NRL: variants seen among roughly 807,000 people sequenced by gnomAD.
NRL encodes neural retina leucine zipper.
In NRL, 16 loss-of-function variants were observed where a neutral mutation model predicts 12.5. The ratio of observed to expected loss-of-function variants is 1.28; its 90% CI spans 0.87 to 1.95. NRL has a LOEUF of 1.95. Ranked by LOEUF, NRL falls within the 30% of genes most tolerant of loss-of-function variation. The pLI is 0.00. For missense variants in NRL, 314 were observed against 325.8 expected, an observed-to-expected ratio of 0.96 and a Z score of 0.28; for synonymous variants, 142 against 150.9, an observed-to-expected ratio of 0.94 and a Z score of 0.43.
rs200281199 is a variant in NRL, at chr14:24,080,952, AC to A, written c.*283del. ...CCATTCACTGTGTCACCACACTTCCACCCCCCAGTGCCTGGCACTGGTCCCT... is the reference window on the plus strand; with the variant it reads ...CCATTCACTGTGTCACCACACTTCCACCCCCAGTGCCTGGCACTGGTCCCT... On this transcript the variant is annotated 3_prime_UTR_variant, in exon 3 of 3. Coordinates refer to ENST00000561028, the MANE Select transcript of NRL (RefSeq NM_001354768.3). 8.0e-4 allele frequency: 266 copies of A among 333,056 alleles called. 3 individuals carry two copies. In the East Asian group the frequency reaches 0.011, roughly 14 times the overall value. 20.6% of individuals were successfully genotyped at this position (333,056 alleles called of 1,614,324 possible).
chr14:24,094,189 G>C lies in NRL; in HGVS notation c.-27-11314C>G. The C allele has an allele frequency of 1.8e-6, 1 of 560,732 alleles. No individual in the cohort carries two copies. The allele number at this position is 560,732 out of a possible 1,614,324, so 34.7% of individuals were successfully genotyped here. A position where few individuals can be genotyped will look rare whatever the true frequency, so the allele number is the denominator to read the frequency against. On this transcript the variant is annotated intron_variant, in intron 1 of 2. Coordinates refer to ENST00000561028, the MANE Select transcript of NRL (RefSeq NM_001354768.3). The surrounding 1 kb of genome is among the most constrained non-coding windows in gnomAD (Gnocchi z 4.1). ...GGCGGCTGGGCTGACCTGGAGCCTG[G>C]AGCCCCGGGGCCGAGGGAGCTGGCC...
Position 24,082,651 on chromosome 14 carries a change from C to T in NRL, c.198G>A (p.Arg66=), listed in dbSNP as rs546181628. The stretch of plus-strand genomic sequence containing the variant: ...GCCAGTACAGCTCCTCCAGGCCTGG[C>T]CGGGTGCCCTCGGTTGCCCCCACCA... ...PGMVGATEGT[R]PGLEELYWLA... is the part of the protein sequence containing the mutation. The change falls in exon 2 of 3, where the codon CGG becomes CGA. Residue 66 remains arginine (R), a synonymous_variant. Transcript: ENST00000561028. 4 of 1,614,054 alleles carry T rather than the reference C, an allele frequency of 2.5e-6. No homozygotes were observed. The highest frequency in any genetic ancestry group is 1.7e-5 in the Admixed American group (1 of 60,022).
chr14:24,081,422 A>T lies in NRL; in HGVS notation c.528T>A (p.Cys176Ter). The change falls in exon 3 of 3, where the codon TGT becomes TGA. Residue 176 changes from cysteine to a stop codon, truncating the protein, a stop_gained. Transcript: ENST00000561028. LOFTEE classifies it high-confidence loss of function. This position sits in a 1 kb window ranked among gnomAD's most constrained non-coding sequence, Gnocchi z 4.4. ...TLKNRGYAQACRSKRLQQRRG... is the reference protein window; with the variant it reads ...TLKNRGYAQA ...GCCGCTGCTGCAGCCGCTTGGAGCGACAGGCCTGCGCGTAGCCGCGGTTCT... is the reference window on the plus strand; with the variant it reads ...GCCGCTGCTGCAGCCGCTTGGAGCGTCAGGCCTGCGCGTAGCCGCGGTTCT... 6.5e-7 allele frequency: 1 copy of T among 1,532,260 alleles called. No individual in the cohort carries two copies. Among genetic ancestry groups the T allele is most frequent in the Non-Finnish European group, 8.8e-7 (1 of 1,142,142 alleles). 94.9% of individuals were successfully genotyped at this position (1,532,260 alleles called of 1,614,324 possible).
chr14:24,082,354 T>A, intron 2 of NRL, 114 bp downstream of exon 2: 2 of 1,334,988 alleles, frequency 1.5e-6, no homozygotes, highest in Admixed American at 3.6e-5. Context: ...CCCCTTCTCC[T>A]GCCCTCTGTC....
chr14:24,114,885 G>A lies in NRL; in HGVS notation c.-191C>T. ...CAGTGGCGGCAGTCGGTGTAAACAA[G>A]GCCTCGCGCCGCTGCGGGTCCTGCG... On this transcript the variant is annotated 5_prime_UTR_variant, in exon 1 of 3. Coordinates refer to ENST00000561028, the MANE Select transcript of NRL (RefSeq NM_001354768.3). 1.0e-6 allele frequency: 1 copy of A among 985,948 alleles called. No individual in the cohort carries two copies. The highest frequency in any genetic ancestry group is 1.2e-6 in the Non-Finnish European group (1 of 829,950). 61.1% of individuals were successfully genotyped at this position (985,948 alleles called of 1,614,324 possible). A position where few individuals can be genotyped will look rare whatever the true frequency, so the allele number is the denominator to read the frequency against.
rs1182751551 is a variant in NRL at position 24,082,798 on chromosome 14, G to C, written c.51C>G (p.Asp17Glu). ...CCCGCTTTACCTCAAACTTCATCAA[G>C]TCAAAGTCATTGACATATTCCATGG... is the stretch of plus-strand genomic sequence containing the variant. ...PLAMEYVNDF[D>E]LMKFEVKREP... is the part of the protein sequence containing the mutation. The change falls in exon 2 of 3, where the codon GAC (aspartate) becomes GAG (glutamate). Residue 17 changes from aspartate (D) to glutamate (E), a missense_variant. By Grantham distance (45) the Asp-to-Glu change is conservative (BLOSUM62 2). Transcript: ENST00000561028. 1 of 1,614,214 alleles carries C rather than the reference G, an allele frequency of 6.2e-7. No homozygotes were observed. Among genetic ancestry groups the C allele is most frequent in the East Asian group, 2.2e-5 (1 of 44,890 alleles).
chr14:24,081,155 G>C lies in NRL; in HGVS notation c.*81C>G. 2.0e-6 allele frequency: 2 copies of C among 1,014,618 alleles called. No homozygotes were observed. Among genetic ancestry groups the C allele is most frequent in the Non-Finnish European group, 2.6e-6 (2 of 769,408 alleles). The allele number at this position is 1,014,618 out of a possible 1,614,324, so 62.9% of individuals were successfully genotyped here. On this transcript the variant is annotated 3_prime_UTR_variant, in exon 3 of 3. Coordinates refer to ENST00000561028, the MANE Select transcript of NRL (RefSeq NM_001354768.3). The surrounding 1 kb of genome is among the most constrained non-coding windows in gnomAD (Gnocchi z 4.4). Reference sequence around the variant, plus strand: ...TAGGACCAGAAGGCGCTCTGGTAACGATGCAGAGAACCGTGCAGCCGCCTC... The same window carrying C: ...TAGGACCAGAAGGCGCTCTGGTAACCATGCAGAGAACCGTGCAGCCGCCTC...
Position 24,099,043 on chromosome 14 carries a change from C to A in NRL, c.-28+15679G>T, listed in dbSNP as rs374312632. 7 of 1,595,814 alleles carry A rather than the reference C, an allele frequency of 4.4e-6. No individual in the cohort carries two copies. In the African/African-American group the frequency reaches 9.4e-5, roughly 21 times the overall value. On this transcript the variant is annotated intron_variant, in intron 1 of 2. Transcript: ENST00000561028. ...GCCAGCAGCCCCATGACCCCATTGTCCCCAGGGGAGCCAGTGAGCCAGTGG... is the reference window on the plus strand; with the variant it reads ...GCCAGCAGCCCCATGACCCCATTGTACCCAGGGGAGCCAGTGAGCCAGTGG...
chr14:24,102,761 G>A, intron 1 of NRL: 7 of 1,613,402 alleles, frequency 4.3e-6, no homozygotes, highest in East Asian at 2.2e-5. Flanking sequence ...AGGTGACAAG[G>A]AGCCCTGTGC....
rs1385473144 is a variant in NRL, at chr14:24,081,681, T to G, written c.382-113A>C. 2.0e-6 allele frequency: 3 copies of G among 1,526,988 alleles called. No homozygotes were observed. The highest frequency in any genetic ancestry group is 2.6e-6 in the Non-Finnish European group (3 of 1,138,336). The allele number at this position is 1,526,988 out of a possible 1,614,324, so 94.6% of individuals were successfully genotyped here. ...GGACAGCCCCGCCCCGGCTCCCACC[T>G]TCACCGGAAGGCTCGCCCTTCCACG... On this transcript the variant is annotated intron_variant, in intron 2 of 2. Transcript: ENST00000561028. The surrounding 1 kb of genome is among the most constrained non-coding windows in gnomAD (Gnocchi z 4.4).
At chr14:24,102,495 CATT>C (rs1476687388) in intron 1 of NRL, among the ~76,000 whole-genome samples, 2 of 152,176 alleles carry the variant, frequency 1.3e-5, no homozygotes, top group African/African-American at 4.8e-5. Context: ...TTGGCACAAA[CATT>C]AGTGCCCTGC....
chr14:24,095,115 ATTTATTCTCTG>A (rs1566571670), intron 1 of NRL: 2 of 455,836 alleles, frequency 4.4e-6, no homozygotes, highest in Non-Finnish European at 8.8e-6. Context: ...TTAGTCTCCT[ATTTATTCTCTG>A]AGGCCTCTCT....
chr14:24,110,330 A>G, intron 1 of NRL: 1 of 401,708 alleles, frequency 2.5e-6, no homozygotes, highest in Non-Finnish European at 5.1e-6. Flanking sequence ...GCTGATCTCA[A>G]ATTCCTGTGG....
intron 1 of NRL, chr14:24,096,802 G>A (rs1260805801): frequency 8.6e-7 from 1 of 1,160,090 alleles, no homozygotes; most frequent in Non-Finnish European, 1.3e-6. Flanking sequence ...TGTTTTAGCA[G>A]GCTGCAGCCC....
rs1424848359 is a variant in NRL, at chr14:24,081,338, C to G, written c.612G>C (p.Glu204Asp). The change falls in exon 3 of 3, where the codon GAG becomes GAC. Residue 204 changes from glutamate to aspartate, a missense_variant. Transcript: ENST00000561028. This position sits in a 1 kb window ranked among gnomAD's most constrained non-coding sequence, Gnocchi z 4.4. Reference sequence around the variant, plus strand: ...CGCGCTCCCGGGCCAGGCGGGCCACCTCGGCCCGCAGCGCGTCCAGCTGGG... The same window carrying G: ...CGCGCTCCCGGGCCAGGCGGGCCACGTCGGCCCGCAGCGCGTCCAGCTGGG... The part of the protein sequence containing the change: ...LAAQLDALRA[E>D]VARLARERDL... The G allele has an allele frequency of 6.8e-7, 1 of 1,472,504 alleles. No individual in the cohort carries two copies. Among genetic ancestry groups the G allele is most frequent in the East Asian group, 2.9e-5 (1 of 34,172 alleles). 91.2% of individuals were successfully genotyped at this position (1,472,504 alleles called of 1,614,324 possible).
chr14:24,106,720 C>CAAAA (rs61141281), intron 1 of NRL, among the ~76,000 whole-genome samples: 2 of 132,220 alleles, frequency 1.5e-5, no homozygotes, highest in South Asian at 2.5e-4. Flanking sequence ...GACTCTGTCT[C>CAAAA]AAAAAAAAAA....
intron 1 of NRL, among the ~76,000 whole-genome samples, chr14:24,092,790 A>G (rs1405473298): frequency 2.0e-5 from 3 of 152,252 alleles, no homozygotes; most frequent in Non-Finnish European, 4.4e-5. Context: ...AACTCCAATT[A>G]AAATTAGCTT....
rs764000176 is a variant in NRL at position 24,081,784 on chromosome 14, C to A, written c.382-216G>T. The A allele has an allele frequency of 1.1e-4, 174 of 1,515,982 alleles. No individual in the cohort carries two copies. The highest frequency in any genetic ancestry group is 1.5e-4 in the Non-Finnish European group (170 of 1,136,682). The allele number at this position is 1,515,982 out of a possible 1,614,324, so 93.9% of individuals were successfully genotyped here. Reference sequence around the variant, plus strand: ...CCAGCTGACCGTTGCTCCAGTCAGGCGGGCGCCCCACGGTGCAGGGCCGGC... The same window carrying A: ...CCAGCTGACCGTTGCTCCAGTCAGGAGGGCGCCCCACGGTGCAGGGCCGGC... On this transcript the variant is annotated intron_variant, in intron 2 of 2. Coordinates refer to ENST00000561028, the MANE Select transcript of NRL (RefSeq NM_001354768.3). This position sits in a 1 kb window ranked among gnomAD's most constrained non-coding sequence, Gnocchi z 4.4.
Position 24,098,975 on chromosome 14 carries a change from C to A in NRL, c.-28+15747G>T, listed in dbSNP as rs989442018. 6 of 1,189,146 alleles carry A rather than the reference C, an allele frequency of 5.0e-6. No homozygotes were observed. In the African/African-American group the frequency reaches 7.5e-5, roughly 15 times the overall value. 73.7% of individuals were successfully genotyped at this position (1,189,146 alleles called of 1,614,324 possible). A position where few individuals can be genotyped will look rare whatever the true frequency, so the allele number is the denominator to read the frequency against. ...GCTCCCAAGTGTCTCTCCTGCCAAT[C>A]CCTGATCCCTCTGGCCCCGACACCC... is the stretch of plus-strand genomic sequence containing the variant. On this transcript the variant is annotated intron_variant, in intron 1 of 2. Transcript: ENST00000561028.
Sources: allele counts gnomAD v4.1 joint callset (sites outside exome capture counted in the v4.1 genomes callset), GRCh38; gene constraint gnomAD v4.1.1; non-coding constraint Gnocchi (gnomAD v3.1); transcripts MANE v1.5; gene names NCBI Gene and HGNC (gene_info 2026-07-23, HGNC 2026-07-21).